Variants in ATRX observed in about 807,000 individuals in gnomAD.
ATRX encodes the protein ATRX chromatin remodeler.
ATRX carries 12 observed loss-of-function variants against 172.6 expected under a neutral mutation model. That is an observed-to-expected ratio of 0.07 (90% CI 0.04 to 0.11). The LOEUF is 0.11. Among genes scored for constraint, ATRX ranks in the 10% least tolerant of loss-of-function variants. The pLI, the probability that ATRX is intolerant of heterozygous loss-of-function variation, is 1.00. For synonymous variants in ATRX, 674 were observed against 594.7 expected (o/e 1.13, Z -1.94); for missense variants, 1,368 against 1,767.4 (o/e 0.77, Z 4.05).
chrX:77,682,061 C>T lies in ATRX; in HGVS notation c.3195G>A (p.Glu1065=), dbSNP rs2148579585. 1.7e-6 allele frequency: 2 copies of T among 1,210,932 alleles called. No homozygotes were observed. Among genetic ancestry groups the T allele is most frequent in the Non-Finnish European group, 2.2e-6 (2 of 894,903 alleles). Residue 1065 remains glutamate, a synonymous_variant, in exon 9 of 35, where the codon GAG becomes GAA. Transcript: ENST00000373344. ...KKKDELSDYA[E]KSTGKGDSCD... ...AACTATCTCCTTTCCCTGTTGACTT[C>T]TCAGCATAATCAGATAATTCATCCT...
chrX:77,547,243 C>T (rs1164052688), intron 30 of ATRX, among the ~76,000 whole-genome samples: 2 of 111,152 alleles, frequency 1.8e-5, no homozygotes, highest in African/African-American at 3.3e-5. Context: ...CTAAACTCTC[C>T]CCAATAGAAT....
At chrX:77,544,893 A>T (rs2064177107) in intron 30 of ATRX, among the ~76,000 whole-genome samples, 1 of 111,121 alleles carries the variant, frequency 9.0e-6, no homozygotes, top group South Asian at 3.8e-4. Flanking sequence ...GCTAATATCC[A>T]GAATCTACAA....
chrX:77,668,757 A>G (rs1024879470), intron 10 of ATRX, among the ~76,000 whole-genome samples: 5 of 110,573 alleles, frequency 4.5e-5, no homozygotes, highest in Non-Finnish European at 9.5e-5. Context: ...GAACACCAAG[A>G]TAACACCATT....
chrX:77,679,589 A>G (rs1484549710), intron 9 of ATRX, among the ~76,000 whole-genome samples: 5 of 111,941 alleles, frequency 4.5e-5, no homozygotes, highest in African/African-American at 1.6e-4. Context: ...TCTCAACATG[A>G]GAGGTGCATA....
intron 22 of ATRX, among the ~76,000 whole-genome samples, chrX:77,601,152 C>T (rs2066658964): frequency 9.0e-6 from 1 of 111,021 alleles, no homozygotes; most frequent in African/African-American, 3.3e-5. Context: ...CTGACTCTCG[C>T]CAACTATGCT....
At chrX:77,763,141 C>A (rs782540557) in intron 1 of ATRX, among the ~76,000 whole-genome samples, 5 of 108,621 alleles carry the variant, frequency 4.6e-5, no homozygotes, top group African/African-American at 1.7e-4. Context: ...ATATAGTTGT[C>A]TTTTGTTTTT....
chrX:77,655,778 C>A (rs2148457656), intron 13 of ATRX, among the ~76,000 whole-genome samples: 1 of 108,979 alleles, frequency 9.2e-6, no homozygotes, highest in South Asian at 4.0e-4. Context: ...TTGCTATATT[C>A]TAAGCACAAC....
chrX:77,635,113 C>G (rs1367213868), intron 16 of ATRX, among the ~76,000 whole-genome samples: 2 of 110,961 alleles, frequency 1.8e-5, no homozygotes, highest in African/African-American at 6.6e-5. Context: ...GAAACCCCGT[C>G]TCTACTAAAA....
intron 30 of ATRX, among the ~76,000 whole-genome samples, chrX:77,535,144 G>GA (rs1270185173): frequency 8.9e-6 from 1 of 111,892 alleles, no homozygotes; most frequent in Non-Finnish European, 1.9e-5. Flanking sequence ...AACTACGCTG[G>GA]AAAAAATGCA....
At chrX:77,772,271 C>G (rs2076178651) in intron 1 of ATRX, among the ~76,000 whole-genome samples, 1 of 103,076 alleles carries the variant, frequency 9.7e-6, no homozygotes, top group Non-Finnish European at 2.0e-5. Context: ...GATCATGCCA[C>G]TGCACTCCAG....
At chrX:77,531,421 G>C (rs1471758210) in intron 30 of ATRX, among the ~76,000 whole-genome samples, 1 of 111,852 alleles carries the variant, frequency 8.9e-6, no homozygotes, top group African/African-American at 3.2e-5. Flanking sequence ...ACATCAAAAA[G>C]CTTATCCACC....
At chrX:77,531,986 C>T (rs1206135486) in intron 30 of ATRX, among the ~76,000 whole-genome samples, 1 of 111,319 alleles carries the variant, frequency 9.0e-6, no homozygotes, top group Non-Finnish European at 1.9e-5. Context: ...TATACACCAA[C>T]AACAGGCAAG....
At chrX:77,510,699 C>T (rs1490100845) in intron 34 of ATRX, among the ~76,000 whole-genome samples, 1 of 112,086 alleles carries the variant, frequency 8.9e-6, no homozygotes, top group African/African-American at 3.2e-5. Flanking sequence ...CAGGGAGAGA[C>T]TCCTTTGCTT....
chrX:77,740,535 G>C (rs997063387), intron 1 of ATRX, among the ~76,000 whole-genome samples: 7 of 110,684 alleles, frequency 6.3e-5, no homozygotes, highest in Non-Finnish European at 1.3e-4. Flanking sequence ...TCTACCAAGA[G>C]GAAAGACAAT....
In ATRX at chrX:77,715,895, TTGTG is replaced by T. The variant is rs782247533; in HGVS notation, c.133+1232_133+1235del. ...CTCTCTTATACTTTTTTTGTACATA[TTGTG>T]TGTGTCTGTGTGCATGTGTATTGTA... On this transcript the variant is annotated intron_variant, in intron 2 of 34. Coordinates refer to ENST00000373344, the MANE Select transcript of ATRX (RefSeq NM_000489.6). Among the ~76,000 whole-genome samples the T allele has an allele frequency of 5.4e-5, 6 of 110,732 alleles. No individual in the cohort carries two copies. The South Asian group carries it at 2.3e-3, about 42-fold the overall frequency.
Position 77,619,402 on chromosome X carries a change from T to C in ATRX, c.5273-421A>G, listed in dbSNP as rs189918111. ...TAATAAGCTACTAAGCAAGTTAATT[T>C]ATATTAACTGATTCATTTCCAGAAT... On this transcript the variant is annotated intron_variant, in intron 20 of 34. Coordinates refer to ENST00000373344, the MANE Select transcript of ATRX (RefSeq NM_000489.6). Among the ~76,000 whole-genome samples the C allele has an allele frequency of 1.8e-3, 197 of 111,480 alleles. 2 individuals are homozygous for C. Among genetic ancestry groups the C allele is most frequent in the African/African-American group, 5.8e-3 (180 of 30,784 alleles).
intron 22 of ATRX, among the ~76,000 whole-genome samples, chrX:77,604,808 C>T (rs976857909): frequency 8.9e-6 from 1 of 112,359 alleles, no homozygotes; most frequent in Non-Finnish European, 1.9e-5. Flanking sequence ...CAGTGGAATA[C>T]TATTTGGCCA....
chrX:77,702,885 C>G (rs2072609349), intron 2 of ATRX, among the ~76,000 whole-genome samples: 3 of 111,162 alleles, frequency 2.7e-5, no homozygotes, highest in African/African-American at 9.8e-5. Flanking sequence ...TGCCACCATG[C>G]CTGGCTGATT....
intron 28 of ATRX, among the ~76,000 whole-genome samples, chrX:77,560,167 ACTAT>A (rs1312975724): frequency 9.0e-6 from 1 of 111,187 alleles, no homozygotes; most frequent in African/African-American, 3.3e-5. Flanking sequence ...GCCTTGTAAA[ACTAT>A]CTGTTTTTTA....
Sources: allele counts gnomAD v4.1 joint callset (sites outside exome capture counted in the v4.1 genomes callset), GRCh38; gene constraint gnomAD v4.1.1; transcripts MANE v1.5; gene names NCBI Gene and HGNC (gene_info 2026-07-23, HGNC 2026-07-21).